The following SMYD4 variants were observed in gnomAD, a reference collection of about 807,000 sequenced individuals.
The protein encoded by SMYD4 is SET and MYND domain containing 4, also known as protein-lysine N-methyltransferase SMYD4.
Under a neutral mutation model 72.8 loss-of-function variants are expected in SMYD4, and 68 were observed. The observed-to-expected ratio is 0.93, with a 90% CI of 0.77 to 1.14. SMYD4 has a LOEUF of 1.14. SMYD4 is among the 50% of genes most tolerant of loss of function. The pLI, the probability that SMYD4 is intolerant of heterozygous loss-of-function variation, is 0.00. For missense variants in SMYD4, 984 were observed against 1,003.7 expected (o/e 0.98, Z 0.27); for synonymous variants, 407 against 388.6 (o/e 1.05, Z -0.56).
At chr17:1,817,639 A>G (rs995846975) in intron 2 of SMYD4, among the ~76,000 whole-genome samples, 4 of 152,200 alleles carry the variant, frequency 2.6e-5, no homozygotes, top group African/African-American at 7.2e-5. Context: ...GCCCAGCCTA[A>G]AAGTTTTAAT....
chr17:1,793,327 T>C (rs905727678), intron 5 of SMYD4, among the ~76,000 whole-genome samples: 4 of 151,578 alleles, frequency 2.6e-5, no homozygotes, highest in Admixed American at 6.6e-5. Context: ...TTTGGGGGGA[T>C]TGTTAAAACA....
At position 1,800,518 on chromosome 17, in the gene SMYD4, C is replaced by T; in HGVS notation, c.876G>A (p.Gly292=). The T allele has an allele frequency of 6.2e-7, 1 of 1,614,148 alleles. No homozygotes were observed. The highest frequency in any genetic ancestry group is 1.1e-5 in the South Asian group (1 of 91,082). Residue 292 remains glycine (G), a synonymous_variant, in exon 5 of 11, where the codon GGG becomes GGA. Transcript: ENST00000305513. The part of the protein sequence containing the change: ...DSKWDTRVTN[G]DLYCHRCLKH... ...TCAAACATCGGTGACAATAGAGGTC[C>T]CCATTGGTGACTCTGGTGTCCCATT... is the stretch of plus-strand genomic sequence containing the variant.
In SMYD4 at chr17:1,794,113, T is replaced by A. The variant is rs1359694974; in HGVS notation, c.1537+5744A>T. On this transcript the variant is annotated intron_variant, in intron 5 of 10. Transcript: ENST00000305513. ...TATATATATATATATATATTTTTTT[T>A]TTTTTTTTTTTTTTGAGATGGAGTT... Among the ~76,000 whole-genome samples the A allele has an allele frequency of 9.2e-3, 347 of 37,544 alleles. 3 individuals are homozygous for A. The highest frequency in any genetic ancestry group is 0.024 in the African/African-American group (220 of 9,026). 24.6% of individuals were successfully genotyped at this position (37,544 alleles called of 152,430 possible).
At position 1,800,255 on chromosome 17, in the gene SMYD4, C is replaced by G. The variant is rs1227414001; in HGVS notation, c.1139G>C (p.Cys380Ser). The G allele has an allele frequency of 2.5e-6, 4 of 1,614,026 alleles. No homozygotes were observed. The highest frequency in any genetic ancestry group is 1.7e-5 in the Admixed American group (1 of 59,970). The change falls in exon 5 of 11, where the codon TGT becomes TCT. Residue 380 changes from cysteine to serine, a missense_variant. Cys to Ser is a moderately radical substitution (Grantham distance 112). Coordinates refer to ENST00000305513, the MANE Select transcript of SMYD4 (RefSeq NM_052928.3). ...LCDKISNKDI[C>S]LPESNNQVKT... The stretch of plus-strand genomic sequence containing the variant: ...GACCTGATTGTTGCTTTCAGGTAAA[C>G]AGATGTCCTTGTTACTAATCTTATC...
chr17:1,782,903 G>A (rs1180273187), intron 10 of SMYD4, 132 bp downstream of exon 10: 1 of 1,386,208 alleles, frequency 7.2e-7, no homozygotes, highest in African/African-American at 1.5e-5. Context: ...AAAACAGAAG[G>A]CAAAGATCTC....
At chr17:1,790,743 C>T (rs1908974963) in intron 5 of SMYD4, among the ~76,000 whole-genome samples, 1 of 152,016 alleles carries the variant, frequency 6.6e-6, no homozygotes, top group African/African-American at 2.4e-5. Context: ...TCTCGAACTT[C>T]TGACCTCGTG....
chr17:1,828,630 C>T (rs1478522926), intron 1 of SMYD4, among the ~76,000 whole-genome samples: 3 of 146,052 alleles, frequency 2.1e-5, no homozygotes, highest in Non-Finnish European at 3.0e-5. Flanking sequence ...CAGAGTCTTG[C>T]TCTGTCACCC....
At position 1,781,422 on chromosome 17, in the gene SMYD4, G is replaced by C; in HGVS notation, c.2279C>G (p.Ala760Gly). Residue 760 changes from alanine to glycine, a missense_variant, in exon 11 of 11, where the codon GCC becomes GGC. Transcript: ENST00000305513. ...IFFNGFAVPE[A>G]LSTIQKAEEV... ...CTCAGCTTTCTGTATTGTGCTCAGG[G>C]CTTCGGGTACTGCAAACCTGAGCCA... 4 of 1,613,912 alleles carry C rather than the reference G, an allele frequency of 2.5e-6. No individual in the cohort carries two copies. The South Asian group carries it at 4.4e-5, about 18-fold the overall frequency.
At chr17:1,818,789 T>A (rs1306306735) in intron 2 of SMYD4, among the ~76,000 whole-genome samples, 5 of 151,850 alleles carry the variant, frequency 3.3e-5, no homozygotes, top group Admixed American at 1.3e-4. Flanking sequence ...TATAGGCACG[T>A]ACTATCATGC....
At chr17:1,789,073 A>G (rs1033072001) in intron 5 of SMYD4, among the ~76,000 whole-genome samples, 6 of 152,174 alleles carry the variant, frequency 3.9e-5, no homozygotes, top group African/African-American at 1.4e-4. Context: ...ATCACCGAAT[A>G]TATGCCAGGA....
rs780967300 is a variant in SMYD4 at position 1,786,815 on chromosome 17, T to A, written c.1879A>T (p.Met627Leu). The A allele has an allele frequency of 1.2e-6, 2 of 1,614,168 alleles. No homozygotes were observed. Among genetic ancestry groups the A allele is most frequent in the Non-Finnish European group, 1.7e-6 (2 of 1,180,018 alleles). The change falls in exon 7 of 11, where the codon ATG becomes TTG. Residue 627 changes from methionine to leucine, a missense_variant. By Grantham distance (15) the Met-to-Leu change is conservative (BLOSUM62 2). Coordinates refer to ENST00000305513, the MANE Select transcript of SMYD4 (RefSeq NM_052928.3). The part of the protein sequence containing the change: ...AFCCNSCGAP[M>L]QGDDVLRCGS... ...GAGACAGAAGAGAGAATTACCTGCA[T>A]GGGCGCTCCGCAACTGTTGCAACAG...
intron 3 of SMYD4, among the ~76,000 whole-genome samples, chr17:1,811,051 G>A (rs1310932471): frequency 6.6e-6 from 1 of 152,222 alleles, no homozygotes; most frequent in Non-Finnish European, 1.5e-5. Flanking sequence ...CTCTGTCCTT[G>A]CGACAAGGTG....
intron 4 of SMYD4, among the ~76,000 whole-genome samples, chr17:1,802,229 G>A (rs538427627): frequency 2.0e-5 from 3 of 152,274 alleles, no homozygotes; most frequent in African/African-American, 4.8e-5. Context: ...GGTGGCTCAC[G>A]CCTGTAATCC....
intron 2 of SMYD4, among the ~76,000 whole-genome samples, chr17:1,823,253 G>C (rs1189831499): frequency 2.0e-5 from 3 of 150,938 alleles, no homozygotes; most frequent in Admixed American, 6.6e-5. Flanking sequence ...AATTAGCTGG[G>C]CGTGGTGGCA....
chr17:1,786,313 GA>G lies in SMYD4; in HGVS notation c.1884+496del, dbSNP rs537273778. 7.9e-5 allele frequency among the ~76,000 whole-genome samples: 12 copies of G among 152,356 alleles called. No homozygotes were observed. In the South Asian group the frequency reaches 2.3e-3, roughly 29 times the overall value. Reference sequence around the variant, plus strand: ...GCTAACACAGAGAAAATGAAGCTGAGAGGGGTGGACAGAAAGCCCCTGGATC... The same window carrying G: ...GCTAACACAGAGAAAATGAAGCTGAGGGGGTGGACAGAAAGCCCCTGGATC... On this transcript the variant is annotated intron_variant, in intron 7 of 10. Transcript: ENST00000305513.
intron 2 of SMYD4, among the ~76,000 whole-genome samples, chr17:1,813,818 CATAA>C (rs34563195): frequency 0.34 from 50,968 of 151,714 alleles, 10,930 homozygotes; most frequent in Non-Finnish European, 0.49. Context: ...TGAACTAATA[CATAA>C]ATATAGAGAC....
chr17:1,823,086 G>A (rs1910972129), intron 2 of SMYD4, among the ~76,000 whole-genome samples: 1 of 151,712 alleles, frequency 6.6e-6, no homozygotes, highest in African/African-American at 2.4e-5. Flanking sequence ...AACTTGAGAA[G>A]CTGGCCGGGC....
At chr17:1,805,927 CTTTT>C (rs34177306) in intron 3 of SMYD4, among the ~76,000 whole-genome samples, 48 of 140,442 alleles carry the variant, frequency 3.4e-4, no homozygotes, top group African/African-American at 1.2e-3. Flanking sequence ...ACATCAAATT[CTTTT>C]TTTTTTTTTT....
At chr17:1,795,747 G>GTTTTTTTTTTTTTTTTTTTTTTTTT (rs368038317) in intron 5 of SMYD4, among the ~76,000 whole-genome samples, 2 of 128,466 alleles carry the variant, frequency 1.6e-5, no homozygotes, top group Non-Finnish European at 3.2e-5. Flanking sequence ...TGGCCCGTGA[G>GTTTTTTTTTTTTTTTTTTTTTTTTT]TTTTTTTTTT....
Sources: allele counts gnomAD v4.1 joint callset (sites outside exome capture counted in the v4.1 genomes callset), GRCh38; gene constraint gnomAD v4.1.1; transcripts MANE v1.5; gene names NCBI Gene and HGNC (gene_info 2026-07-23, HGNC 2026-07-21).